RAP1GAP2: variants seen among roughly 807,000 people sequenced by gnomAD.
RAP1GAP2 encodes rap1 GTPase-activating protein 2.
Under a neutral mutation model 95.0 loss-of-function variants are expected in RAP1GAP2, and 27 were observed. The ratio of observed to expected loss-of-function variants is 0.28; its 90% CI spans 0.21 to 0.39. The LOEUF is 0.39. Ranked by LOEUF, RAP1GAP2 falls within the 10% of genes least tolerant of loss-of-function variation. RAP1GAP2 has a pLI of 1.00. For missense variants in RAP1GAP2, 771 were observed against 970.0 expected (o/e 0.79, Z 2.72); for synonymous variants, 373 against 380.9 (o/e 0.98, Z 0.24).
At chr17:2,995,221 C>G in intron 12 of RAP1GAP2, 116 bp from the exon 13 acceptor site, 1 of 1,319,924 alleles carries the variant, frequency 7.6e-7, no homozygotes, top group South Asian at 1.3e-5. Flanking sequence ...GCCCTCAGCT[C>G]TCCTGTCTCC....
At chr17:2,840,820 A>G (rs1288631736) in intron 2 of RAP1GAP2, among the ~76,000 whole-genome samples, 1 of 152,030 alleles carries the variant, frequency 6.6e-6, no homozygotes, top group African/African-American at 2.4e-5. Flanking sequence ...CAATATGGTG[A>G]CACCCTGTCT....
rs903664400 is a variant in RAP1GAP2, at chr17:2,827,674, G to T, written c.80+27124G>T. On this transcript the variant is annotated intron_variant, in intron 2 of 24. Transcript: ENST00000254695. This position sits in a 1 kb window ranked among gnomAD's most constrained non-coding sequence, Gnocchi z 4.1. ...AATACAAAAATTAGCCGGGCGTGGT[G>T]GTACCTGCCTGTAATCCCCAAGCTC... Among the ~76,000 whole-genome samples the T allele has an allele frequency of 6.6e-6, 1 of 152,060 alleles. No individual in the cohort carries two copies. Among genetic ancestry groups the T allele is most frequent in the Non-Finnish European group, 1.5e-5 (1 of 68,014 alleles).
chr17:2,967,073 G>C lies in RAP1GAP2; in HGVS notation c.596+1430G>C, dbSNP rs536751124. ...GTTGAACCCCAGATTCTCTTCCTTA[G>C]AAAGCAGTGTTGTGGCCAGGCACGG... is the stretch of plus-strand genomic sequence containing the variant. On this transcript the variant is annotated intron_variant, in intron 8 of 24. Coordinates refer to ENST00000254695, the MANE Select transcript of RAP1GAP2 (RefSeq NM_015085.5). Among the ~76,000 whole-genome samples the C allele has an allele frequency of 7.9e-5, 12 of 152,270 alleles. No homozygotes were observed. The East Asian group carries it at 2.3e-3, about 29-fold the overall frequency.
In RAP1GAP2 at chr17:2,797,400, G is replaced by A. The variant is rs549841537; in HGVS notation, c.44+829G>A. 2.0e-5 allele frequency among the ~76,000 whole-genome samples: 3 copies of A among 152,318 alleles called. No individual in the cohort carries two copies. In the South Asian group the frequency reaches 6.2e-4, roughly 32 times the overall value. ...TCCCAGTGCTGGCAGCTTCTTCGCA[G>A]CTGGGGAACAGAGTCTGGTGGTTTT... On this transcript the variant is annotated intron_variant, in intron 1 of 24. Coordinates refer to ENST00000254695, the MANE Select transcript of RAP1GAP2 (RefSeq NM_015085.5). The surrounding 1 kb of genome is among the most constrained non-coding windows in gnomAD (Gnocchi z 5.6).
upstream of RAP1GAP2, among the ~76,000 whole-genome samples, chr17:2,775,883 G>T (rs897935106): frequency 1.5e-4 from 23 of 152,274 alleles, no homozygotes; most frequent in African/African-American, 5.3e-4. Context: ...TGGAGTGCAT[G>T]AATGAAAGTT....
chr17:3,007,081 C>G (rs184815963), intron 16 of RAP1GAP2, among the ~76,000 whole-genome samples: 527 of 152,078 alleles, frequency 3.5e-3, no homozygotes, highest in African/African-American at 0.01. Context: ...GCATGGTAGA[C>G]AGCATGAGCA....
chr17:3,012,386 G>C (rs1476588252), intron 17 of RAP1GAP2, among the ~76,000 whole-genome samples: 3 of 152,016 alleles, frequency 2.0e-5, no homozygotes, highest in African/African-American at 7.2e-5. Flanking sequence ...GGGAGGCCGA[G>C]GCAGGTGGAT....
At chr17:2,757,818 G>C (rs1353241093) in intron 1 of RAP1GAP2, among the ~76,000 whole-genome samples, 1 of 152,074 alleles carries the variant, frequency 6.6e-6, no homozygotes, top group African/African-American at 2.4e-5. Flanking sequence ...CCCAACTCTT[G>C]CCCCTGGCAC....
At chr17:2,991,882 G>A (rs546093180) in intron 12 of RAP1GAP2, among the ~76,000 whole-genome samples, 131 of 151,258 alleles carry the variant, frequency 8.7e-4, no homozygotes, top group African/African-American at 3.0e-3. Context: ...CTCCTGCCTC[G>A]GCCTCCGGAG....
intron 2 of RAP1GAP2, among the ~76,000 whole-genome samples, chr17:2,821,670 C>T (rs894084022): frequency 2.0e-5 from 3 of 152,048 alleles, no homozygotes; most frequent in Non-Finnish European, 2.9e-5. Context: ...CACCTTGCCC[C>T]GCCAAGTGTG....
At chr17:2,908,223 A>C (rs532207573) in intron 3 of RAP1GAP2, among the ~76,000 whole-genome samples, 1 of 152,296 alleles carries the variant, frequency 6.6e-6, no homozygotes, top group African/African-American at 2.4e-5. Flanking sequence ...GGCGACAGCA[A>C]GAGGAACCGG....
At position 3,037,529 on chromosome 17, in the gene RAP1GAP2, C is replaced by G. The variant is rs1301102122; in HGVS notation, c.*4168C>G. ...GGCTTGGAAGTGATGCTCCATGTGA[C>G]GACGACTTTGCTTTCTTTCCTCTTA... On this transcript the variant is annotated 3_prime_UTR_variant, in exon 25 of 25. Transcript: ENST00000254695. The G allele has an allele frequency of 6.6e-6, 1 of 152,266 alleles. No individual in the cohort carries two copies. The highest frequency in any genetic ancestry group is 1.5e-5 in the Non-Finnish European group (1 of 67,980). The allele number at this position is 152,266 out of a possible 1,614,324, so 9.4% of individuals were successfully genotyped here. A position where few individuals can be genotyped will look rare whatever the true frequency, so the allele number is the denominator to read the frequency against.
intron 2 of RAP1GAP2, among the ~76,000 whole-genome samples, chr17:2,836,546 C>T (rs763538735): frequency 2.6e-5 from 4 of 152,090 alleles, no homozygotes; most frequent in African/African-American, 4.8e-5. Flanking sequence ...GTACGAGAAT[C>T]GCTTGGACCT....
chr17:2,826,243 C>T (rs2151532186), intron 2 of RAP1GAP2, among the ~76,000 whole-genome samples: 1 of 150,546 alleles, frequency 6.6e-6, no homozygotes, highest in Admixed American at 6.6e-5. Context: ...GATCTCCCCG[C>T]CTCGGCCTCC....
intron 1 of RAP1GAP2, among the ~76,000 whole-genome samples, chr17:2,789,645 G>A (rs1029005560): frequency 2.7e-5 from 4 of 150,080 alleles, no homozygotes; most frequent in African/African-American, 9.8e-5. Flanking sequence ...AGCCAGGCAT[G>A]GTGGCGTGTA....
At chr17:2,951,157 TG>T (rs779809534) in intron 3 of RAP1GAP2, among the ~76,000 whole-genome samples, 13 of 152,252 alleles carry the variant, frequency 8.5e-5, no homozygotes, top group Non-Finnish European at 1.5e-4. Context: ...CTCTCCCATC[TG>T]ATCTTCAGGA....
intron 16 of RAP1GAP2, 79 bp downstream of exon 16, chr17:3,006,120 C>CTTTTTTTTTTTTTTT (rs537126167): frequency 3.1e-6 from 1 of 325,260 alleles, no homozygotes; most frequent in African/African-American, 3.0e-5. Context: ...GCTCCTCCAT[C>CTTTTTTTTTTTTTTT]TTTTTTTTTT....
At chr17:2,762,180 G>C (rs1203867596) in intron 1 of RAP1GAP2, among the ~76,000 whole-genome samples, 14 of 150,994 alleles carry the variant, frequency 9.3e-5, no homozygotes, top group Admixed American at 1.3e-4. Flanking sequence ...GTAGAGACGG[G>C]GTTTCACCGT....
intron 2 of RAP1GAP2, among the ~76,000 whole-genome samples, chr17:2,826,147 A>ATTTTTT (rs71150901): frequency 1.0e-4 from 11 of 108,860 alleles, no homozygotes; most frequent in Non-Finnish European, 1.0e-4. Context: ...CGCCCAGCAA[A>ATTTTTT]TTTTTTTTTT....
Sources: allele counts gnomAD v4.1 joint callset (sites outside exome capture counted in the v4.1 genomes callset), GRCh38; gene constraint gnomAD v4.1.1; non-coding constraint Gnocchi (gnomAD v3.1); transcripts MANE v1.5; gene names NCBI Gene and HGNC (gene_info 2026-07-23, HGNC 2026-07-21).